Variants in SLC12A7 observed in about 807,000 individuals in gnomAD.
SLC12A7 encodes the protein K-Cl cotransporter 4.
A neutral mutation model predicts 120.6 loss-of-function variants in SLC12A7; 100 were observed. The observed-to-expected ratio is 0.83, with a 90% CI of 0.71 to 0.98. The LOEUF (loss-of-function observed/expected upper bound fraction) is 0.98. SLC12A7 is among the 50% of genes least tolerant of loss of function. The probability of loss-of-function intolerance (pLI) is 0.00; values close to 1 mark genes in which losing one functional copy is unlikely to be tolerated. For synonymous variants in SLC12A7, 760 were observed against 678.0 expected, an observed-to-expected ratio of 1.12 and a Z score of -1.88; for missense variants, 1,373 against 1,548.1, an observed-to-expected ratio of 0.89 and a Z score of 1.90.
At chr5:1,061,328 G>T (rs1228943580) in intron 20 of SLC12A7, among the ~76,000 whole-genome samples, 1 of 14,814 alleles carries the variant, frequency 6.8e-5, no homozygotes, top group African/African-American at 7.5e-5. Flanking sequence ...CGCCGTGCGG[G>T]ATCCCTGAGT....
intron 20 of SLC12A7, among the ~76,000 whole-genome samples, chr5:1,062,163 C>T (rs754540346): frequency 1.9e-4 from 29 of 152,268 alleles, no homozygotes; most frequent in Non-Finnish European, 4.0e-4. Flanking sequence ...TCTGGCACCA[C>T]GGAGGGGCTG....
intron 22 of SLC12A7, among the ~76,000 whole-genome samples, chr5:1,054,512 C>T (rs933437059): frequency 3.3e-5 from 5 of 152,152 alleles, no homozygotes; most frequent in South Asian, 2.1e-4. Flanking sequence ...AAACGCTGGG[C>T]GGAGGGGAGC....
chr5:1,086,338 G>T (rs1739856486), intron 6 of SLC12A7, among the ~76,000 whole-genome samples: 1 of 152,210 alleles, frequency 6.6e-6, no homozygotes, highest in South Asian at 2.1e-4. Flanking sequence ...ACCTCAGCAG[G>T]AAGGACAGCA....
chr5:1,057,375 G>T, intron 22 of SLC12A7, 96 bp downstream of exon 22: 1 of 1,328,026 alleles, frequency 7.5e-7, no homozygotes, highest in Non-Finnish European at 1.0e-6. Flanking sequence ...GGGTTGCCCC[G>T]AAGCTCTTCA....
intron 8 of SLC12A7, among the ~76,000 whole-genome samples, chr5:1,082,373 TCTCGGGTTCTGGAAAGTCCAGGCTTC>T (rs1412409131): frequency 8.8e-5 from 12 of 137,072 alleles, no homozygotes; most frequent in Non-Finnish European, 1.8e-4. Context: ...AGGCTTCCCG[TCTCGGGTTCTGGAAAGTCCAGGCTTC>T]CCGTCTCGGG....
intron 1 of SLC12A7, among the ~76,000 whole-genome samples, chr5:1,097,068 G>C (rs1470992101): frequency 6.6e-6 from 1 of 152,298 alleles, no homozygotes; most frequent in South Asian, 2.1e-4. Flanking sequence ...GCTCAGCCCT[G>C]CCTGCCCTTC....
chr5:1,092,946 C>T (rs903675329), intron 3 of SLC12A7, among the ~76,000 whole-genome samples: 2 of 152,154 alleles, frequency 1.3e-5, no homozygotes, highest in African/African-American at 4.8e-5. Context: ...CCCGTCTGTA[C>T]AGGACGGCAG....
chr5:1,055,333 G>A (rs1735497399), intron 22 of SLC12A7, among the ~76,000 whole-genome samples: 1 of 152,248 alleles, frequency 6.6e-6, no homozygotes, highest in South Asian at 2.1e-4. Context: ...GTGCACACAG[G>A]CAGGTACACG....
At chr5:1,113,122 G>A (rs1280360382), upstream of SLC12A7, among the ~76,000 whole-genome samples, 1 of 152,188 alleles carries the variant, frequency 6.6e-6, no homozygotes, top group Non-Finnish European at 1.5e-5. Flanking sequence ...TCAGATGTCC[G>A]TCAATGGGGA....
intron 1 of SLC12A7, among the ~76,000 whole-genome samples, chr5:1,106,096 TA>T (rs1322321419): frequency 2.0e-5 from 3 of 152,220 alleles, no homozygotes; most frequent in Non-Finnish European, 4.4e-5. Flanking sequence ...GAACTGTGGT[TA>T]ATACTTAACG....
At chr5:1,154,078 T>C in the SLC12A7 span, among the ~76,000 whole-genome samples, 2 of 150,880 alleles carry the variant, frequency 1.3e-5, no homozygotes, top group Admixed American at 6.6e-5. Flanking sequence ...GAATAACAAG[T>C]GTCCCATCCT....
At chr5:1,126,673 G>T in the SLC12A7 span, among the ~76,000 whole-genome samples, 2 of 152,132 alleles carry the variant, frequency 1.3e-5, no homozygotes, top group African/African-American at 2.4e-5. Flanking sequence ...AGGCTGTGTT[G>T]TTTCCCTCTA....
intron 14 of SLC12A7, 41 bp from the exon 15 acceptor site, chr5:1,075,531 G>T (rs2150831641): frequency 6.3e-7 from 1 of 1,586,262 alleles, no homozygotes; most frequent in South Asian, 1.1e-5. Flanking sequence ...CCAACGCCAT[G>T]CAGCCCCCAC....
chr5:1,085,363 C>T lies in SLC12A7; in HGVS notation c.786G>A (p.Met262Ile), dbSNP rs1439449126. The T allele has an allele frequency of 6.2e-7, 1 of 1,612,382 alleles. No homozygotes were observed. The highest frequency in any genetic ancestry group is 8.5e-7 in the Non-Finnish European group (1 of 1,179,812). The part of the protein sequence containing the change: ...RVYGTCTLVL[M>I]ALVVFVGVKY... ...TGACGCCCACGAAGACCACCAGGGC[C>T]ATGAGCACGAGCGTGCACGTGCCGT... The change falls in exon 7 of 24, where the codon ATG (methionine) becomes ATA (isoleucine). Residue 262 changes from methionine to isoleucine, a missense_variant. By Grantham distance (10) the Met-to-Ile change is conservative (BLOSUM62 1). Transcript: ENST00000264930.
chr5:1,060,340 G>A lies in SLC12A7; in HGVS notation c.2847+4C>T, dbSNP rs752780825. ...TGGTGTCTGTGGCCACGGCCCCCAC[G>A]TACCTCTCGCTCCTGCTCGTTCTTG... On this transcript the variant is annotated splice_donor_region_variant and intron_variant, in intron 21 of 23. Coordinates refer to ENST00000264930, the MANE Select transcript of SLC12A7 (RefSeq NM_006598.3). The A allele has an allele frequency of 6.2e-6, 10 of 1,609,424 alleles. No individual in the cohort carries two copies. In the East Asian group the frequency reaches 1.3e-4, roughly 22 times the overall value.
chr5:1,152,522 A>T, the SLC12A7 span, among the ~76,000 whole-genome samples: 1 of 152,032 alleles, frequency 6.6e-6, no homozygotes, highest in East Asian at 1.9e-4. Context: ...TGGCAGAGAG[A>T]AGGGACCCAT....
intron 17 of SLC12A7, among the ~76,000 whole-genome samples, chr5:1,073,404 C>T (rs142851295): frequency 6.6e-5 from 10 of 152,330 alleles, no homozygotes; most frequent in African/African-American, 1.9e-4. Context: ...TCCCAGGGTT[C>T]GCCCTTGGAA....
At chr5:1,129,273 C>T in the SLC12A7 span, among the ~76,000 whole-genome samples, 5 of 152,140 alleles carry the variant, frequency 3.3e-5, no homozygotes, top group Non-Finnish European at 7.4e-5. Context: ...CAGGGTACAA[C>T]GCCTCCTGGC....
chr5:1,138,000 G>A, the SLC12A7 span, among the ~76,000 whole-genome samples: 1 of 152,152 alleles, frequency 6.6e-6, no homozygotes, highest in African/African-American at 2.4e-5. Context: ...CCTGGAGCAG[G>A]GATAGCCGCC....
Sources: allele counts gnomAD v4.1 joint callset (sites outside exome capture counted in the v4.1 genomes callset), GRCh38; gene constraint gnomAD v4.1.1; transcripts MANE v1.5; gene names NCBI Gene and HGNC (gene_info 2026-07-23, HGNC 2026-07-21).